Variants in MARCHF4 observed in about 807,000 individuals in gnomAD.
MARCHF4 encodes E3 ubiquitin-protein ligase MARCHF4.
A neutral mutation model predicts 43.9 loss-of-function variants in MARCHF4; 14 were observed. The observed-to-expected ratio is 0.32, with a 90% confidence interval of 0.21 to 0.50. The LOEUF is 0.50. MARCHF4 is among the 20% of genes least tolerant of loss of function. MARCHF4 has a pLI of 0.98. For missense variants in MARCHF4, 468 were observed against 536.7 expected, an observed-to-expected ratio of 0.87 and a Z score of 1.27; for synonymous variants, 226 against 213.3, an observed-to-expected ratio of 1.06 and a Z score of -0.52.
intron 1 of MARCHF4, among the ~76,000 whole-genome samples, chr2:216,339,043 A>T (rs1354331757): frequency 6.6e-6 from 1 of 152,224 alleles, no homozygotes; most frequent in Non-Finnish European, 1.5e-5. Flanking sequence ...CAGGTTGGAC[A>T]GAAAGGAGCG....
intron 1 of MARCHF4, chr2:216,321,796 G>A (rs1182423714): frequency 1.3e-5 from 2 of 152,118 alleles, no homozygotes; most frequent in East Asian, 1.9e-4. Flanking sequence ...CTAATCAGGC[G>A]GGAGTGCTGT....
chr2:216,347,654 G>A (rs928359332), intron 1 of MARCHF4, among the ~76,000 whole-genome samples: 2 of 151,852 alleles, frequency 1.3e-5, no homozygotes, highest in African/African-American at 4.8e-5. Flanking sequence ...TTAAACCCGG[G>A]AGGCGGAAGT....
At chr2:216,348,528 T>C (rs1015877993) in intron 1 of MARCHF4, among the ~76,000 whole-genome samples, 3 of 152,178 alleles carry the variant, frequency 2.0e-5, no homozygotes, top group Admixed American at 6.5e-5. Flanking sequence ...AGTTTACGGA[T>C]GCCATGTGAT....
chr2:216,320,671 CTTTCTTTT>C (rs1289035508), intron 1 of MARCHF4, among the ~76,000 whole-genome samples: 18 of 56,632 alleles, frequency 3.2e-4, no homozygotes, highest in African/African-American at 1.1e-3. Context: ...TTCTTTCTTT[CTTTCTTTT>C]TTTTTTTTTG....
intron 1 of MARCHF4, among the ~76,000 whole-genome samples, chr2:216,336,870 G>A (rs1007037907): frequency 6.7e-6 from 1 of 149,342 alleles, no homozygotes; most frequent in Non-Finnish European, 1.5e-5. Flanking sequence ...TTTTAAAACA[G>A]TCCAGGCACA....
chr2:216,279,792 GT>G (rs1691098748), intron 2 of MARCHF4, among the ~76,000 whole-genome samples: 1 of 152,196 alleles, frequency 6.6e-6, no homozygotes, highest in Non-Finnish European at 1.5e-5. Context: ...CCCGCCTAGG[GT>G]TACACATAAT....
At position 216,259,184 on chromosome 2, in the gene MARCHF4, C is replaced by G; in HGVS notation, c.*128G>C. Reference sequence around the variant, plus strand: ...GCCTCACTCCCGCTCTGACACTACCCCAGGGCTCCCGCCAGGTCCCCCACC... The same window carrying G: ...GCCTCACTCCCGCTCTGACACTACCGCAGGGCTCCCGCCAGGTCCCCCACC... On this transcript the variant is annotated 3_prime_UTR_variant, in exon 4 of 4. Coordinates refer to ENST00000273067, the MANE Select transcript of MARCHF4 (RefSeq NM_020814.3). 7.1e-7 allele frequency: 1 copy of G among 1,410,418 alleles called. No homozygotes were observed. Among genetic ancestry groups the G allele is most frequent in the Non-Finnish European group, 9.4e-7 (1 of 1,060,734 alleles). 87.4% of individuals were successfully genotyped at this position (1,410,418 alleles called of 1,614,324 possible). A position where few individuals can be genotyped will look rare whatever the true frequency, so the allele number is the denominator to read the frequency against.
chr2:216,329,103 G>A (rs534503814), intron 1 of MARCHF4, among the ~76,000 whole-genome samples: 8 of 152,234 alleles, frequency 5.3e-5, no homozygotes, highest in East Asian at 1.9e-4. Context: ...ACACCCGGCC[G>A]GGCGCGGTGG....
At chr2:216,267,466 G>A (rs1009319989) in intron 3 of MARCHF4, among the ~76,000 whole-genome samples, 1 of 152,198 alleles carries the variant, frequency 6.6e-6, no homozygotes, top group African/African-American at 2.4e-5. Flanking sequence ...CAAGGGGCCT[G>A]TGGAGCCCAG....
intron 3 of MARCHF4, among the ~76,000 whole-genome samples, chr2:216,261,170 T>C (rs1445475899): frequency 1.3e-5 from 2 of 152,152 alleles, no homozygotes; most frequent in Admixed American, 6.5e-5. Context: ...ATGGGATGCA[T>C]GTTTCTCTTA....
intron 1 of MARCHF4, among the ~76,000 whole-genome samples, chr2:216,315,876 G>A (rs1046138209): frequency 1.3e-5 from 2 of 152,094 alleles, no homozygotes; most frequent in South Asian, 2.1e-4. Flanking sequence ...CATCCCAGTC[G>A]CCTTAGGCCA....
intron 2 of MARCHF4, 76 bp downstream of exon 2, chr2:216,283,497 GA>G (rs1691165241): frequency 2.0e-6 from 3 of 1,485,628 alleles, no homozygotes; most frequent in Non-Finnish European, 2.7e-6. Context: ...AATCTAAGGT[GA>G]AGTAAGCCTC....
chr2:216,320,661 TTCTTTCTTTCTTTC>T (rs1167964260), intron 1 of MARCHF4, among the ~76,000 whole-genome samples: 6 of 120,408 alleles, frequency 5.0e-5, no homozygotes, highest in Admixed American at 8.3e-5. Context: ...CTTTCTTTCT[TTCTTTCTTTCTTTC>T]TTTTTTTTTT....
intron 1 of MARCHF4, among the ~76,000 whole-genome samples, chr2:216,323,213 G>T (rs539844656): frequency 4.3e-4 from 66 of 151,804 alleles, no homozygotes; most frequent in African/African-American, 1.6e-3. Flanking sequence ...CTCCTTTTTT[G>T]CAATCATCCA....
intron 1 of MARCHF4, among the ~76,000 whole-genome samples, chr2:216,286,870 G>A (rs377122697): frequency 2.6e-5 from 4 of 152,196 alleles, no homozygotes; most frequent in African/African-American, 9.7e-5. Context: ...TTAGGAAGAC[G>A]CTCTTTGCAG....
At chr2:216,350,472 C>T (rs1435492196) in intron 1 of MARCHF4, among the ~76,000 whole-genome samples, 1 of 151,462 alleles carries the variant, frequency 6.6e-6, no homozygotes, top group Admixed American at 6.6e-5. Flanking sequence ...CTTACCCACA[C>T]CATCATGTGA....
At chr2:216,267,613 C>T (rs1163257313) in intron 3 of MARCHF4, among the ~76,000 whole-genome samples, 1 of 152,154 alleles carries the variant, frequency 6.6e-6, no homozygotes, top group African/African-American at 2.4e-5. Flanking sequence ...AACTAACATA[C>T]CTATAGCTCT....
chr2:216,340,409 T>G (rs1692218534), intron 1 of MARCHF4, among the ~76,000 whole-genome samples: 1 of 152,212 alleles, frequency 6.6e-6, no homozygotes, highest in African/African-American at 2.4e-5. Flanking sequence ...TCCCTGGCTC[T>G]CCTCCTGCAG....
chr2:216,305,551 T>C (rs748676060), intron 1 of MARCHF4, among the ~76,000 whole-genome samples: 1 of 152,092 alleles, frequency 6.6e-6, no homozygotes, highest in African/African-American at 2.4e-5. Context: ...GAAGAGAACA[T>C]GAGACAAAAG....
Sources: gnomAD v4.1 joint callset for allele counts (sites outside exome capture counted in the v4.1 genomes callset) on GRCh38, gnomAD v4.1.1 for gene constraint, MANE v1.5 for transcripts, NCBI Gene and HGNC (gene_info 2026-07-23, HGNC 2026-07-21) for gene names.